Variants in CNTNAP2 observed in about 807,000 individuals in gnomAD.
CNTNAP2 encodes contactin associated protein 2, also known as contactin-associated protein-like 2.
In CNTNAP2, 98 loss-of-function variants were observed where a neutral mutation model predicts 155.2. That is an observed-to-expected ratio of 0.63 (90% CI 0.54 to 0.75). The LOEUF is 0.75. CNTNAP2 is among the 30% of genes least tolerant of loss of function. The pLI is 0.00. For missense variants in CNTNAP2, 1,727 were observed against 1,688.1 expected (o/e 1.02, Z -0.40); for synonymous variants, 651 against 631.2 (o/e 1.03, Z -0.47).
At chr7:146,646,378 CATT>C (rs1799812300) in intron 1 of CNTNAP2, among the ~76,000 whole-genome samples, 2 of 151,936 alleles carry the variant, frequency 1.3e-5, no homozygotes, top group Non-Finnish European at 2.9e-5. Context: ...TAGAACAAGC[CATT>C]ATTTTTAATT....
chr7:147,826,102 A>T (rs1798445709), intron 13 of CNTNAP2, among the ~76,000 whole-genome samples: 1 of 152,186 alleles, frequency 6.6e-6, no homozygotes, highest in Non-Finnish European at 1.5e-5. Flanking sequence ...TCAGAAGTTT[A>T]CAAGCTGGGA....
At chr7:146,896,530 A>G (rs59953165) in intron 3 of CNTNAP2, among the ~76,000 whole-genome samples, 2,454 of 152,198 alleles carry the variant, frequency 0.016, 62 homozygotes, top group African/African-American at 0.056. Context: ...GTTGAGAGCT[A>G]TACTGTATGT....
At chr7:146,803,646 TATACTTCCTGGAAA>T (rs1174796412) in intron 2 of CNTNAP2, among the ~76,000 whole-genome samples, 2 of 152,334 alleles carry the variant, frequency 1.3e-5, no homozygotes, top group East Asian at 3.9e-4. Flanking sequence ...CTTGGTAGAT[TATACTTCCTGGAAA>T]TATAGATGCA....
At chr7:146,236,317 T>C (rs533114060) in intron 1 of CNTNAP2, among the ~76,000 whole-genome samples, 1 of 152,328 alleles carries the variant, frequency 6.6e-6, no homozygotes, top group African/African-American at 2.4e-5. Flanking sequence ...TATTTATTCA[T>C]GTTAACAGTG....
At chr7:146,486,482 C>T (rs1797061149) in intron 1 of CNTNAP2, among the ~76,000 whole-genome samples, 1 of 152,150 alleles carries the variant, frequency 6.6e-6, no homozygotes, top group Non-Finnish European at 1.5e-5. Flanking sequence ...AGGTGCCTTC[C>T]ATCTCTTCTT....
At chr7:147,140,642 T>C (rs1226740068) in intron 8 of CNTNAP2, among the ~76,000 whole-genome samples, 1 of 151,932 alleles carries the variant, frequency 6.6e-6, no homozygotes, top group African/African-American at 2.4e-5. Flanking sequence ...ATATAGTGGA[T>C]TGGGGAAAAC....
chr7:146,830,385 C>G (rs1803487698), intron 2 of CNTNAP2, among the ~76,000 whole-genome samples: 1 of 152,018 alleles, frequency 6.6e-6, no homozygotes, highest in Non-Finnish European at 1.5e-5. Context: ...CTTTATAGAT[C>G]TGGGTGGCTG....
chr7:148,047,764 A>C (rs1802800183), intron 15 of CNTNAP2, among the ~76,000 whole-genome samples: 1 of 152,246 alleles, frequency 6.6e-6, no homozygotes, highest in South Asian at 2.1e-4. Context: ...GATTACAAAT[A>C]AATTTCAACA....
chr7:147,254,733 C>T (rs1804283527), intron 8 of CNTNAP2, among the ~76,000 whole-genome samples: 2 of 152,180 alleles, frequency 1.3e-5, no homozygotes, highest in South Asian at 4.1e-4. Context: ...TACAGCTTGA[C>T]ATCTTAGAAT....
intron 1 of CNTNAP2, among the ~76,000 whole-genome samples, chr7:146,135,828 A>T (rs1006954181): frequency 3.3e-5 from 5 of 152,118 alleles, no homozygotes; most frequent in Non-Finnish European, 7.4e-5. Flanking sequence ...AGTAATTATA[A>T]TGAAATAAGA....
chr7:146,645,311 G>C (rs113271377), intron 1 of CNTNAP2, among the ~76,000 whole-genome samples: 1 of 152,290 alleles, frequency 6.6e-6, no homozygotes, highest in South Asian at 2.1e-4. Context: ...GTCATAGGTA[G>C]TGCAGATAGA....
At chr7:147,587,648 G>A (rs541804096) in intron 12 of CNTNAP2, among the ~76,000 whole-genome samples, 4 of 152,092 alleles carry the variant, frequency 2.6e-5, no homozygotes, top group Non-Finnish European at 4.4e-5. Flanking sequence ...AAGATTTATC[G>A]ATACCTAGTA....
chr7:147,073,895 G>A (rs760636551), intron 4 of CNTNAP2, among the ~76,000 whole-genome samples: 13 of 152,116 alleles, frequency 8.5e-5, no homozygotes, highest in Non-Finnish European at 1.6e-4. Context: ...GTGGGGTTAG[G>A]AGATTGAGTC....
At chr7:146,680,808 C>T (rs1021861552) in intron 1 of CNTNAP2, among the ~76,000 whole-genome samples, 1 of 152,154 alleles carries the variant, frequency 6.6e-6, no homozygotes, top group African/African-American at 2.4e-5. Flanking sequence ...TAGAAAGAAA[C>T]ATGTCACTGA....
intron 12 of CNTNAP2, among the ~76,000 whole-genome samples, chr7:147,621,505 A>G (rs758132414): frequency 2.0e-5 from 3 of 152,110 alleles, no homozygotes; most frequent in Non-Finnish European, 4.4e-5. Flanking sequence ...GAGGTAAGGC[A>G]TAGAGTTTTT....
chr7:146,336,567 T>C (rs1801279332), intron 1 of CNTNAP2, among the ~76,000 whole-genome samples: 2 of 152,114 alleles, frequency 1.3e-5, no homozygotes, highest in African/African-American at 4.8e-5. Flanking sequence ...AATTGGACTT[T>C]ATCAAAACTA....
rs1394798724 is a variant in CNTNAP2, at chr7:147,096,175, T to C, written c.551-11972T>C. 2.0e-5 allele frequency among the ~76,000 whole-genome samples: 3 copies of C among 152,212 alleles called. No individual in the cohort carries two copies. The East Asian group carries it at 5.8e-4, about 29-fold the overall frequency. ...ATTGTTTCAGATTTACTATGATCCATGAAGTCTTGTATTTGACAGCTTAAA... is the reference window on the plus strand; with the variant it reads ...ATTGTTTCAGATTTACTATGATCCACGAAGTCTTGTATTTGACAGCTTAAA... On this transcript the variant is annotated intron_variant, in intron 4 of 23. Transcript: ENST00000361727.
At chr7:148,048,420 C>T (rs2710137) in intron 15 of CNTNAP2, among the ~76,000 whole-genome samples, 53,863 of 151,914 alleles carry the variant, frequency 0.35, 10,316 homozygotes, top group East Asian at 0.76. Flanking sequence ...TTCCCCCTCT[C>T]CCTTCCCTTT....
intron 13 of CNTNAP2, among the ~76,000 whole-genome samples, chr7:147,709,441 T>G (rs1796370449): frequency 6.6e-6 from 1 of 152,152 alleles, no homozygotes; most frequent in East Asian, 1.9e-4. Context: ...AATGCAAAAA[T>G]GAATTTCACA....
Sources: allele counts gnomAD v4.1 joint callset (sites outside exome capture counted in the v4.1 genomes callset), GRCh38; gene constraint gnomAD v4.1.1; transcripts MANE v1.5; gene names NCBI Gene and HGNC (gene_info 2026-07-23, HGNC 2026-07-21).